FMO4: variants seen among roughly 807,000 people sequenced by gnomAD.
FMO4 encodes dimethylaniline monooxygenase [N-oxide-forming] 4.
In FMO4, 38 loss-of-function variants were observed where a neutral mutation model predicts 43.3. The ratio of observed to expected loss-of-function variants is 0.88; its 90% confidence interval spans 0.68 to 1.15. The LOEUF is 1.15. Ranked by LOEUF, FMO4 falls within the 50% of genes most tolerant of loss-of-function variation. The pLI is 0.00. For missense variants in FMO4, 631 were observed against 663.3 expected (o/e 0.95, Z 0.54); for synonymous variants, 224 against 232.2 (o/e 0.96, Z 0.32).
At chr1:171,329,515 A>G (rs1239265389) in intron 5 of FMO4, among the ~76,000 whole-genome samples, 1 of 152,092 alleles carries the variant, frequency 6.6e-6, no homozygotes, top group Non-Finnish European at 1.5e-5. Flanking sequence ...TGAAATATAG[A>G]TCTTGTATTG....
intron 8 of FMO4, among the ~76,000 whole-genome samples, chr1:171,335,409 G>A (rs975252284): frequency 1.3e-5 from 2 of 152,096 alleles, no homozygotes; most frequent in Non-Finnish European, 2.9e-5. Context: ...TATAACTAAC[G>A]CGTATTAAGT....
chr1:171,323,255 A>C, intron 4 of FMO4, 63 bp downstream of exon 4: 2 of 1,084,582 alleles, frequency 1.8e-6, no homozygotes, highest in Non-Finnish European at 2.7e-6. Flanking sequence ...CAATCTAATG[A>C]AAATTGGATG....
At chr1:171,321,999 T>C (rs1662453166) in intron 3 of FMO4, among the ~76,000 whole-genome samples, 1 of 152,204 alleles carries the variant, frequency 6.6e-6, no homozygotes, top group Non-Finnish European at 1.5e-5. Flanking sequence ...AAGAAGTTCA[T>C]TGGTGTCTTT....
chr1:171,333,035 C>T (rs1386021910), intron 7 of FMO4, 127 bp downstream of exon 7: 1 of 624,662 alleles, frequency 1.6e-6, no homozygotes, highest in African/African-American at 1.8e-5. Context: ...ATCCATTTCC[C>T]TAAAACACTG....
intron 7 of FMO4, among the ~76,000 whole-genome samples, chr1:171,333,916 C>T (rs993486464): frequency 3.3e-5 from 5 of 151,762 alleles, no homozygotes; most frequent in Admixed American, 6.6e-5. Flanking sequence ...CTGCCCTCCC[C>T]GGGCTCAAGT....
Position 171,331,768 on chromosome 1 carries a change from C to G in FMO4, c.613C>G (p.Arg205Gly). ...AGGAGACATTGCTGTGGAACTCAGTCGAACGGCAGCTCAGGTACATCATCT... is the reference window on the plus strand; with the variant it reads ...AGGAGACATTGCTGTGGAACTCAGTGGAACGGCAGCTCAGGTACATCATCT... ...TGGDIAVELS[R>G]TAAQVLLSTR... is the part of the protein sequence containing the mutation. The change falls in exon 6 of 10, where the codon CGA becomes GGA. Residue 205 changes from arginine (R) to glycine (G), a missense_variant. Physicochemically the swap from Arg to Gly is moderately radical, Grantham distance 125. Transcript: ENST00000367749. 6.2e-7 allele frequency: 1 copy of G among 1,613,724 alleles called. No homozygotes were observed. The highest frequency in any genetic ancestry group is 8.5e-7 in the Non-Finnish European group (1 of 1,179,752).
Position 171,315,291 on chromosome 1 carries a change from C to CAAAT in FMO4, c.-150-877_-150-874dup, listed in dbSNP as rs753975472. ...TGGAAGACAGAGTGAGACTCCAACT[C>CAAAT]AAATAAATAAATAAATAAATATAAG... On this transcript the variant is annotated intron_variant, in intron 1 of 9. Transcript: ENST00000367749. 2.2e-4 allele frequency among the ~76,000 whole-genome samples: 34 copies of CAAAT among 152,214 alleles called. 1 individual carries two copies. Among genetic ancestry groups the CAAAT allele is most frequent in the South Asian group, 2.1e-3 (10 of 4,820 alleles).
chr1:171,332,869 G>T lies in FMO4; in HGVS notation c.788G>T (p.Arg263Ile). Residue 263 changes from arginine to isoleucine, a missense_variant, in exon 7 of 10, where the codon AGA (arginine) becomes ATA (isoleucine). Physicochemically the swap from Arg to Ile is moderately conservative, Grantham distance 97. Coordinates refer to ENST00000367749, the MANE Select transcript of FMO4 (RefSeq NM_002022.3). ...ATTCAAGAAAGGAAGTTGAATAAGAGATTTAATCATGAGGATTATGGATTA... is the reference window on the plus strand; with the variant it reads ...ATTCAAGAAAGGAAGTTGAATAAGATATTTAATCATGAGGATTATGGATTA... ...NWIQERKLNK[R>I]FNHEDYGLSI... 1 of 1,570,134 alleles carries T rather than the reference G, an allele frequency of 6.4e-7. No homozygotes were observed. Among genetic ancestry groups the T allele is most frequent in the Non-Finnish European group, 8.8e-7 (1 of 1,140,118 alleles).
intron 7 of FMO4, chr1:171,333,203 G>T: frequency 1.1e-5 from 3 of 261,354 alleles, no homozygotes; most frequent in Non-Finnish European, 1.5e-5. Flanking sequence ...TTGTTGTTGG[G>T]GTTTTTTTGT....
intron 5 of FMO4, among the ~76,000 whole-genome samples, chr1:171,326,777 A>C (rs45508097): frequency 6.6e-6 from 1 of 152,174 alleles, no homozygotes; most frequent in African/African-American, 2.4e-5. Flanking sequence ...CTTATCATGG[A>C]GAGTGACATG....
At chr1:171,334,923 T>C (rs1663060970) in intron 8 of FMO4, among the ~76,000 whole-genome samples, 160 bp downstream of exon 8, 2 of 152,338 alleles carry the variant, frequency 1.3e-5, no homozygotes, top group South Asian at 4.1e-4. Context: ...GCTGTGTCAC[T>C]TAATGTGACT....
At chr1:171,318,006 T>C (rs1267805977) in intron 2 of FMO4, among the ~76,000 whole-genome samples, 1 of 152,056 alleles carries the variant, frequency 6.6e-6, no homozygotes, top group Non-Finnish European at 1.5e-5. Context: ...ACAGATTGAG[T>C]ACTCCTTATC....
intron 5 of FMO4, among the ~76,000 whole-genome samples, chr1:171,326,249 G>A (rs925199628): frequency 6.6e-6 from 1 of 152,014 alleles, no homozygotes; most frequent in Non-Finnish European, 1.5e-5. Flanking sequence ...TCTCTGCATA[G>A]AAAGTACCAG....
At chr1:171,330,187 A>T (rs1224286941) in intron 5 of FMO4, among the ~76,000 whole-genome samples, 1 of 152,220 alleles carries the variant, frequency 6.6e-6, no homozygotes, top group Non-Finnish European at 1.5e-5. Context: ...ACTTCAAAGG[A>T]ACTTGAAGCC....
intron 5 of FMO4, among the ~76,000 whole-genome samples, chr1:171,328,607 G>A (rs1171765900): frequency 5.9e-5 from 9 of 151,340 alleles, no homozygotes; most frequent in East Asian, 2.0e-4. Flanking sequence ...CCAAGATCAC[G>A]CCATTGCACT....
intron 8 of FMO4, among the ~76,000 whole-genome samples, chr1:171,335,803 C>G (rs1454284564): frequency 6.6e-6 from 1 of 152,042 alleles, no homozygotes; most frequent in East Asian, 1.9e-4. Flanking sequence ...AGAAAAAAAT[C>G]CTACAACCCT....
intron 2 of FMO4, among the ~76,000 whole-genome samples, chr1:171,318,174 G>A (rs1300714383): frequency 1.3e-5 from 2 of 152,114 alleles, no homozygotes; most frequent in South Asian, 2.1e-4. Context: ...AAAATTAGCT[G>A]GGCGTGGTGA....
At chr1:171,340,644 C>A (rs1663335749) in intron 9 of FMO4, among the ~76,000 whole-genome samples, 1 of 151,956 alleles carries the variant, frequency 6.6e-6, no homozygotes, top group Non-Finnish European at 1.5e-5. Context: ...AATATTTAAA[C>A]CTTTTTCTTG....
intron 9 of FMO4, among the ~76,000 whole-genome samples, chr1:171,340,926 ATTTT>A (rs1221878193): frequency 6.6e-6 from 1 of 152,052 alleles, no homozygotes; most frequent in Admixed American, 6.6e-5. Context: ...TAGGGCTTTT[ATTTT>A]TTCTTTTGTA....
Sources: allele counts gnomAD v4.1 joint callset (sites outside exome capture counted in the v4.1 genomes callset), GRCh38; gene constraint gnomAD v4.1.1; transcripts MANE v1.5; gene names NCBI Gene and HGNC (gene_info 2026-07-23, HGNC 2026-07-21).